Variants in IL6ST observed in about 807,000 individuals in gnomAD.
IL6ST encodes interleukin 6 cytokine family signal transducer.
In IL6ST, 24 loss-of-function variants were observed where a neutral mutation model predicts 91.3. That is an observed-to-expected ratio of 0.26 (90% CI 0.19 to 0.37). IL6ST has a LOEUF of 0.37. Among genes scored for constraint, IL6ST ranks in the 10% least tolerant of loss-of-function variants. The pLI is 1.00. For missense variants in IL6ST, 914 were observed against 1,078.5 expected, an observed-to-expected ratio of 0.85 and a Z score of 2.14; for synonymous variants, 351 against 373.6, an observed-to-expected ratio of 0.94 and a Z score of 0.70.
intron 1 of IL6ST, among the ~76,000 whole-genome samples, chr5:55,990,294 AG>A (rs1754238227): frequency 2.0e-5 from 3 of 152,072 alleles, no homozygotes; most frequent in Admixed American, 1.3e-4. Context: ...AAAAAAAAGA[AG>A]AAGAAGAGAC....
intron 14 of IL6ST, among the ~76,000 whole-genome samples, chr5:55,950,359 A>C (rs1217937149): frequency 6.6e-6 from 1 of 151,642 alleles, no homozygotes; most frequent in Non-Finnish European, 1.5e-5. Flanking sequence ...CAACATGGTG[A>C]AACCCCGTCT....
rs556940979 is a variant in IL6ST, at chr5:55,937,055, C to G, written c.*4027G>C. On this transcript the variant is annotated 3_prime_UTR_variant, in exon 17 of 17. Coordinates refer to ENST00000381298, the MANE Select transcript of IL6ST (RefSeq NM_002184.4). ...CTTTGAAATATCCCTTTGTTTCTAACACATCACATTATGGTATTAATGTAA... is the reference window on the plus strand; with the variant it reads ...CTTTGAAATATCCCTTTGTTTCTAAGACATCACATTATGGTATTAATGTAA... 1 of 200,926 alleles carries G rather than the reference C, an allele frequency of 5.0e-6. No homozygotes were observed. Among genetic ancestry groups the G allele is most frequent in the Admixed American group, 6.0e-5 (1 of 16,656 alleles). 12.4% of individuals were successfully genotyped at this position (200,926 alleles called of 1,614,324 possible).
At chr5:55,946,819 A>C (rs1221140599) in intron 15 of IL6ST, among the ~76,000 whole-genome samples, 1 of 152,088 alleles carries the variant, frequency 6.6e-6, no homozygotes, top group Non-Finnish European at 1.5e-5. Context: ...CCATCTCAAA[A>C]AAAAAAAAAG....
intron 14 of IL6ST, among the ~76,000 whole-genome samples, chr5:55,949,897 A>G (rs965478993): frequency 6.6e-6 from 1 of 152,182 alleles, no homozygotes; most frequent in Admixed American, 6.5e-5. Flanking sequence ...ATTTTCTATA[A>G]TGATTCAAAA....
At position 55,963,282 on chromosome 5, in the gene IL6ST, T is replaced by C; in HGVS notation, c.813+70A>G. 5.5e-6 allele frequency: 6 copies of C among 1,093,568 alleles called. No individual in the cohort carries two copies. In the South Asian group the frequency reaches 1.0e-4, roughly 19 times the overall value. 67.7% of individuals were successfully genotyped at this position (1,093,568 alleles called of 1,614,324 possible). A position where few individuals can be genotyped will look rare whatever the true frequency, so the allele number is the denominator to read the frequency against. On this transcript the variant is annotated intron_variant, in intron 7 of 16. Coordinates refer to ENST00000381298, the MANE Select transcript of IL6ST (RefSeq NM_002184.4). ...CAGAAACTTAAAGACATTTAGAAAA[T>C]GACTGAAACTTTTTAAGATTAGAGG... is the stretch of plus-strand genomic sequence containing the variant.
chr5:55,968,759 C>A (rs1388893834), intron 4 of IL6ST, among the ~76,000 whole-genome samples: 3 of 152,076 alleles, frequency 2.0e-5, no homozygotes, highest in Non-Finnish European at 4.4e-5. Flanking sequence ...AAGTAGAAGC[C>A]AAAATGATTC....
chr5:55,939,863 C>T lies in IL6ST; in HGVS notation c.*1219G>A. ...CTCAGAACTGCAGACATTAAAATAC[C>T]ATCTCTTTATTAAGTGTCTCTACAA... On this transcript the variant is annotated 3_prime_UTR_variant, in exon 17 of 17. Coordinates refer to ENST00000381298, the MANE Select transcript of IL6ST (RefSeq NM_002184.4). The T allele has an allele frequency of 4.9e-6, 1 of 202,678 alleles. No homozygotes were observed. The highest frequency in any genetic ancestry group is 7.5e-5 in the East Asian group (1 of 13,268). 12.6% of individuals were successfully genotyped at this position (202,678 alleles called of 1,614,324 possible). A position where few individuals can be genotyped will look rare whatever the true frequency, so the allele number is the denominator to read the frequency against.
intron 1 of IL6ST, among the ~76,000 whole-genome samples, chr5:55,990,732 T>C (rs1399980866): frequency 6.6e-6 from 1 of 151,654 alleles, no homozygotes; most frequent in Non-Finnish European, 1.5e-5. Context: ...CATATACACA[T>C]AAATGCCCAC....
chr5:55,982,972 T>C (rs1288879155), intron 1 of IL6ST, among the ~76,000 whole-genome samples, 161 bp from the exon 2 acceptor site: 1 of 152,066 alleles, frequency 6.6e-6, no homozygotes, highest in East Asian at 1.9e-4. Flanking sequence ...CATAAACACT[T>C]GTATAAGAGT....
chr5:55,969,664 C>T lies in IL6ST; in HGVS notation c.256G>A (p.Ala86Thr). ...KEQYTIINRT[A>T]SSVTFTDIAS... ...ATATCTGTAAAGGTGACACTGGATG[C>T]TGTTCTGTTTATGATAGTATATTGC... Residue 86 changes from alanine (A) to threonine (T), a missense_variant, in exon 4 of 17, where the codon GCA becomes ACA. By Grantham distance (58) the Ala-to-Thr change is moderately conservative. Transcript: ENST00000381298. 6.2e-7 allele frequency: 1 copy of T among 1,612,022 alleles called. No homozygotes were observed. Among genetic ancestry groups the T allele is most frequent in the Non-Finnish European group, 8.5e-7 (1 of 1,178,222 alleles).
chr5:55,983,269 A>G (rs540276711), intron 1 of IL6ST, among the ~76,000 whole-genome samples: 2 of 152,286 alleles, frequency 1.3e-5, no homozygotes, highest in South Asian at 2.1e-4. Context: ...TACAGGCATG[A>G]GCCACCGCGC....
intron 2 of IL6ST, among the ~76,000 whole-genome samples, chr5:55,981,957 G>A (rs551472700): frequency 3.5e-4 from 54 of 152,284 alleles, no homozygotes; most frequent in Non-Finnish European, 2.6e-4. Context: ...GTAGTGTGCC[G>A]AAAGGAGCTA....
At position 55,941,435 on chromosome 5, in the gene IL6ST, C is replaced by T. The variant is rs756534724; in HGVS notation, c.2404G>A (p.Val802Ile). ...RPEDLQLVDHVDGGDGILPRQ... is the reference protein window; with the variant it reads ...RPEDLQLVDHIDGGDGILPRQ... ...GGCAAAATACCATCACCGCCATCTA[C>T]ATGATCTACTAATTGTAGATCTTCT... Residue 802 changes from valine to isoleucine, a missense_variant, in exon 17 of 17, where the codon GTA (valine) becomes ATA (isoleucine). By Grantham distance (29) the Val-to-Ile change is conservative. Transcript: ENST00000381298. The T allele has an allele frequency of 9.9e-6, 16 of 1,614,104 alleles. No individual in the cohort carries two copies. In the African/African-American group the frequency reaches 2.1e-4, roughly 22 times the overall value.
chr5:55,948,039 A>G (rs553033808), intron 14 of IL6ST, among the ~76,000 whole-genome samples: 12 of 152,338 alleles, frequency 7.9e-5, no homozygotes, highest in African/African-American at 2.6e-4. Flanking sequence ...ACATAATTGA[A>G]CTACACATTT....
intron 1 of IL6ST, among the ~76,000 whole-genome samples, chr5:55,989,078 G>A (rs1754160830): frequency 6.8e-6 from 1 of 146,146 alleles, no homozygotes. Flanking sequence ...AGCAAGCTAA[G>A]AAGCCAAGAT....
At chr5:55,950,506 A>C (rs1428653356) in intron 14 of IL6ST, among the ~76,000 whole-genome samples, 4 of 139,088 alleles carry the variant, frequency 2.9e-5, no homozygotes, top group African/African-American at 5.5e-5. Context: ...ACTGCACTCC[A>C]GCCTGGGTGA....
At position 55,941,008 on chromosome 5, in the gene IL6ST, T is replaced by A; in HGVS notation, c.*74A>T. 1.4e-6 allele frequency: 2 copies of A among 1,425,100 alleles called. No homozygotes were observed. The highest frequency in any genetic ancestry group is 1.9e-6 in the Non-Finnish European group (2 of 1,051,834). The allele number at this position is 1,425,100 out of a possible 1,614,324, so 88.3% of individuals were successfully genotyped here. A position where few individuals can be genotyped will look rare whatever the true frequency, so the allele number is the denominator to read the frequency against. ...CAGAGAGTGAAGACTTTTTAAAATC[T>A]GAATTCACAGATAAAATCATTTTAG... On this transcript the variant is annotated 3_prime_UTR_variant, in exon 17 of 17. Coordinates refer to ENST00000381298, the MANE Select transcript of IL6ST (RefSeq NM_002184.4).
Position 55,964,179 on chromosome 5 carries a change from A to C in IL6ST, c.625T>G (p.Ser209Ala). The change falls in exon 6 of 17, where the codon TCA (serine) becomes GCA (alanine). Residue 209 changes from serine to alanine, a missense_variant. By Grantham distance (99) the Ser-to-Ala change is moderately conservative. Coordinates refer to ENST00000381298, the MANE Select transcript of IL6ST (RefSeq NM_002184.4). ...ACAGGATCAAAATTGATATGATCTG[A>C]TGTAACCTTCCCAAGGGCATTCTCT... ...EAENALGKVT[S>A]DHINFDPVYK... The C allele has an allele frequency of 6.2e-7, 1 of 1,609,500 alleles. No homozygotes were observed. The highest frequency in any genetic ancestry group is 8.5e-7 in the Non-Finnish European group (1 of 1,177,690).
In IL6ST at chr5:55,957,302, G is replaced by A. The variant is rs1418602732; in HGVS notation, c.974-11C>T. The A allele has an allele frequency of 7.6e-7, 1 of 1,308,768 alleles. No homozygotes were observed. The highest frequency in any genetic ancestry group is 1.1e-6 in the Non-Finnish European group (1 of 936,994). The allele number at this position is 1,308,768 out of a possible 1,614,324, so 81.1% of individuals were successfully genotyped here. On this transcript the variant is annotated splice_polypyrimidine_tract_variant and intron_variant, in intron 8 of 16. Transcript: ENST00000381298. ...GTGCTTTAGATGGTCCTAAAGAAAA[G>A]ACATAAACTCCTTAAAATAAAAAGG...
Sources: allele counts gnomAD v4.1 joint callset (sites outside exome capture counted in the v4.1 genomes callset), GRCh38; gene constraint gnomAD v4.1.1; transcripts MANE v1.5; gene names NCBI Gene and HGNC (gene_info 2026-07-23, HGNC 2026-07-21).